ITFG1: variants seen among roughly 807,000 people sequenced by gnomAD.
ITFG1 encodes T-cell immunomodulatory protein.
In ITFG1, 34 loss-of-function variants were observed where a neutral mutation model predicts 81.8. The observed-to-expected ratio is 0.42, with a 90% confidence interval of 0.32 to 0.55. The LOEUF is 0.55. Among genes scored for constraint, ITFG1 ranks in the 20% least tolerant of loss-of-function variants. The pLI is 0.17. For synonymous variants in ITFG1, 285 were observed against 270.6 expected, an observed-to-expected ratio of 1.05 and a Z score of -0.52; for missense variants, 672 against 755.4, an observed-to-expected ratio of 0.89 and a Z score of 1.29.
intron 14 of ITFG1, among the ~76,000 whole-genome samples, chr16:47,213,418 G>C (rs1007803627): frequency 6.6e-6 from 1 of 152,066 alleles, no homozygotes; most frequent in Non-Finnish European, 1.5e-5. Flanking sequence ...ATGTCTACTA[G>C]ATCCTGTTGG....
chr16:47,399,559 C>T (rs912709120), intron 6 of ITFG1, among the ~76,000 whole-genome samples: 6 of 149,872 alleles, frequency 4.0e-5, no homozygotes, highest in East Asian at 2.0e-4. Flanking sequence ...GGCAAGAGAG[C>T]GAGACTCCGT....
At chr16:47,335,363 C>T (rs1967689758) in intron 8 of ITFG1, among the ~76,000 whole-genome samples, 1 of 151,762 alleles carries the variant, frequency 6.6e-6, no homozygotes, top group Admixed American at 6.6e-5. Context: ...TAAGAAAAAA[C>T]AAAACAAAAC....
At chr16:47,458,759 C>T (rs1480809917) in intron 2 of ITFG1, among the ~76,000 whole-genome samples, 1 of 152,058 alleles carries the variant, frequency 6.6e-6, no homozygotes, top group African/African-American at 2.4e-5. Context: ...AAACACAACA[C>T]ATGGCTAATA....
chr16:47,225,595 G>T (rs886088595), intron 13 of ITFG1, among the ~76,000 whole-genome samples: 4 of 152,160 alleles, frequency 2.6e-5, no homozygotes, highest in African/African-American at 9.7e-5. Flanking sequence ...AAGATTAACA[G>T]CTCAATTCTC....
intron 10 of ITFG1, among the ~76,000 whole-genome samples, chr16:47,270,337 T>C (rs1966324928): frequency 6.6e-6 from 1 of 151,046 alleles, no homozygotes. Context: ...ACCCAGAATA[T>C]ATAAAAATCT....
rs147967542 is a variant in ITFG1, at chr16:47,284,851, T to C, written c.1071-24156A>G. ...TTTGTACATGAAAACCCAAAGCTTG[T>C]ATAATTTTCTTGAATCACACATATA... is the stretch of plus-strand genomic sequence containing the variant. On this transcript the variant is annotated intron_variant, in intron 10 of 17. Coordinates refer to ENST00000320640, the MANE Select transcript of ITFG1 (RefSeq NM_030790.5). 7.6e-3 allele frequency among the ~76,000 whole-genome samples: 1,152 copies of C among 152,322 alleles called. 18 individuals are homozygous for C. The highest frequency in any genetic ancestry group is 0.026 in the African/African-American group (1,091 of 41,578).
intron 6 of ITFG1, among the ~76,000 whole-genome samples, chr16:47,381,310 G>A (rs1968393078): frequency 6.6e-6 from 1 of 152,074 alleles, no homozygotes; most frequent in Admixed American, 6.6e-5. Flanking sequence ...TGTGATTTCA[G>A]GCACTATATC....
At chr16:47,370,874 T>A (rs1404279495) in intron 7 of ITFG1, among the ~76,000 whole-genome samples, 1 of 152,216 alleles carries the variant, frequency 6.6e-6, no homozygotes, top group East Asian at 1.9e-4. Flanking sequence ...GAAGTGGCAC[T>A]GAAAAAATCC....
At chr16:47,386,513 A>AC (rs1294616278) in intron 6 of ITFG1, among the ~76,000 whole-genome samples, 17 of 152,008 alleles carry the variant, frequency 1.1e-4, no homozygotes, top group Non-Finnish European at 1.9e-4. Context: ...GGCTGGGGAC[A>AC]CCCCTTCTTC....
intron 5 of ITFG1, among the ~76,000 whole-genome samples, chr16:47,433,071 C>T (rs574035863): frequency 6.6e-6 from 1 of 152,294 alleles, no homozygotes; most frequent in South Asian, 2.1e-4. Context: ...TCATTCCCTA[C>T]AAATTTTTTA....
intron 5 of ITFG1, among the ~76,000 whole-genome samples, chr16:47,437,742 G>A (rs189102305): frequency 4.6e-5 from 7 of 152,290 alleles, no homozygotes; most frequent in Admixed American, 1.3e-4. Flanking sequence ...AAATAGGAAC[G>A]GCTCCAGCCT....
At chr16:47,315,922 C>G (rs982327108) in intron 8 of ITFG1, among the ~76,000 whole-genome samples, 1 of 152,030 alleles carries the variant, frequency 6.6e-6, no homozygotes, top group Non-Finnish European at 1.5e-5. Flanking sequence ...TACTGAGTAG[C>G]TGGGATTACG....
chr16:47,429,298 T>C (rs185074732), intron 5 of ITFG1, among the ~76,000 whole-genome samples: 1 of 152,342 alleles, frequency 6.6e-6, no homozygotes, highest in East Asian at 1.9e-4. Context: ...GCCTCAGTTC[T>C]TTCTATAGCG....
chr16:47,294,890 G>T (rs1966960331), intron 10 of ITFG1, among the ~76,000 whole-genome samples: 1 of 152,026 alleles, frequency 6.6e-6, no homozygotes, highest in South Asian at 2.1e-4. Context: ...AGGACGTCCG[G>T]TATTATTTAG....
At chr16:47,221,052 A>C (rs1481731567) in intron 13 of ITFG1, among the ~76,000 whole-genome samples, 3 of 152,192 alleles carry the variant, frequency 2.0e-5, no homozygotes, top group Non-Finnish European at 4.4e-5. Flanking sequence ...GGTAGCTATG[A>C]AAATGAAGAG....
chr16:47,368,210 G>A (rs1466845392), intron 7 of ITFG1, among the ~76,000 whole-genome samples: 17 of 149,608 alleles, frequency 1.1e-4, no homozygotes, highest in Non-Finnish European at 3.0e-5. Flanking sequence ...CTCCAGCCTG[G>A]GTGACAGAGC....
chr16:47,282,918 A>G (rs1966465593), intron 10 of ITFG1, among the ~76,000 whole-genome samples: 1 of 152,020 alleles, frequency 6.6e-6, no homozygotes, highest in Admixed American at 6.6e-5. Context: ...TCCTTTGCCC[A>G]GTTTTTAATG....
At chr16:47,419,552 G>A (rs372926971) in intron 6 of ITFG1, among the ~76,000 whole-genome samples, 4 of 150,942 alleles carry the variant, frequency 2.7e-5, no homozygotes, top group Non-Finnish European at 4.4e-5. Context: ...GATTATAGGC[G>A]TGAGCCACTG....
intron 10 of ITFG1, among the ~76,000 whole-genome samples, chr16:47,307,198 G>A (rs575376009): frequency 1.3e-5 from 2 of 149,780 alleles, no homozygotes; most frequent in Admixed American, 1.3e-4. Context: ...TGAAGGAGTC[G>A]TATCTAAAGA....
Sources: allele counts gnomAD v4.1 joint callset (sites outside exome capture counted in the v4.1 genomes callset), GRCh38; gene constraint gnomAD v4.1.1; transcripts MANE v1.5; gene names NCBI Gene and HGNC (gene_info 2026-07-23, HGNC 2026-07-21).